The following CADM2 variants were observed in gnomAD, a reference collection of about 807,000 sequenced individuals.
CADM2 encodes the protein immunoglobulin superfamily member 4D.
In CADM2, 12 loss-of-function variants were observed where a neutral mutation model predicts 49.8. The observed-to-expected ratio is 0.24, with a 90% CI of 0.15 to 0.39. The LOEUF is 0.39. Among genes scored for constraint, CADM2 ranks in the 10% least tolerant of loss-of-function variants. CADM2 has a pLI of 1.00. For synonymous variants in CADM2, 214 were observed against 175.4 expected, an observed-to-expected ratio of 1.22 and a Z score of -1.74; for missense variants, 378 against 492.3, an observed-to-expected ratio of 0.77 and a Z score of 2.20.
intron 1 of CADM2, among the ~76,000 whole-genome samples, chr3:85,182,194 C>T (rs146676361): frequency 6.6e-6 from 1 of 152,092 alleles, no homozygotes; most frequent in African/African-American, 2.4e-5. Flanking sequence ...CATACATCCA[C>T]AATTTAACAT....
chr3:85,677,863 G>T (rs758928401), intron 1 of CADM2, among the ~76,000 whole-genome samples: 15 of 152,126 alleles, frequency 9.9e-5, no homozygotes, highest in African/African-American at 3.6e-4. Flanking sequence ...TGATTATTAT[G>T]ATGGGGATAC....
In CADM2 at chr3:85,731,875, A is replaced by G. The variant is rs189228126; in HGVS notation, c.88+5327A>G. Among the ~76,000 whole-genome samples, 392 of 152,200 alleles carry G rather than the reference A, an allele frequency of 2.6e-3. 1 individual carries two copies. The highest frequency in any genetic ancestry group is 7.9e-3 in the African/African-American group (329 of 41,544). ...TATCCTGCTTTTATTATCAGTGAAG[A>G]AATTAAGTAATGAGGCCATAATATA... is the stretch of plus-strand genomic sequence containing the variant. On this transcript the variant is annotated intron_variant, in intron 2 of 9. Transcript: ENST00000383699.
chr3:85,738,985 A>C (rs138621771), intron 2 of CADM2, among the ~76,000 whole-genome samples: 154 of 152,258 alleles, frequency 1.0e-3, no homozygotes, highest in African/African-American at 3.5e-3. Flanking sequence ...TAACAGATAT[A>C]TCAATCTCAA....
At chr3:85,358,706 T>A (rs2032078827) in intron 1 of CADM2, among the ~76,000 whole-genome samples, 1 of 152,196 alleles carries the variant, frequency 6.6e-6, no homozygotes, top group African/African-American at 2.4e-5. Context: ...AAGAACTGTT[T>A]ATGTGTAACG....
chr3:85,797,092 A>T (rs530352113), intron 2 of CADM2, among the ~76,000 whole-genome samples: 362 of 143,306 alleles, frequency 2.5e-3, no homozygotes, highest in Non-Finnish European at 3.7e-3. Flanking sequence ...GAATCCATTT[A>T]AAAAAAAAAA....
Position 85,886,333 on chromosome 3 carries a change from G to C in CADM2, c.529+6G>C. The C allele has an allele frequency of 6.3e-7, 1 of 1,597,616 alleles. No homozygotes were observed. The highest frequency in any genetic ancestry group is 1.1e-5 in the South Asian group (1 of 90,326). On this transcript the variant is annotated splice_donor_region_variant and intron_variant, in intron 5 of 9. Transcript: ENST00000383699. Reference sequence around the variant, plus strand: ...AAATGACAAAGAGATTAAAGGTAAAGAATAGAAAAATGAAAATCAAAATTA... The same window carrying C: ...AAATGACAAAGAGATTAAAGGTAAACAATAGAAAAATGAAAATCAAAATTA...
chr3:85,912,864 A>C (rs577215141), intron 6 of CADM2, among the ~76,000 whole-genome samples: 59 of 152,292 alleles, frequency 3.9e-4, no homozygotes, highest in African/African-American at 1.3e-3. Flanking sequence ...GAGAATCGGT[A>C]ATCTGAGAGG....
At chr3:85,815,966 A>T (rs1449197513) in intron 3 of CADM2, among the ~76,000 whole-genome samples, 3 of 152,190 alleles carry the variant, frequency 2.0e-5, no homozygotes, top group African/African-American at 7.2e-5. Context: ...ATAATTCCTT[A>T]GTATGTAAAA....
intron 3 of CADM2, among the ~76,000 whole-genome samples, chr3:85,807,055 T>C (rs1296966158): frequency 5.3e-5 from 8 of 152,186 alleles, no homozygotes; most frequent in African/African-American, 1.9e-4. Flanking sequence ...AGCTTTTGCC[T>C]TGATTTTAAC....
chr3:85,693,566 C>CAAAAAAAAAAAAAA (rs562723713), intron 1 of CADM2, among the ~76,000 whole-genome samples: 4 of 76,080 alleles, frequency 5.3e-5, no homozygotes, highest in Non-Finnish European at 9.7e-5. Context: ...GGCGAAAGAG[C>CAAAAAAAAAAAAAA]AAAAAAAAAA....
chr3:85,898,937 G>GTGTGTATATATATATATATA lies in CADM2; in HGVS notation c.529+12611_529+12612insGTGTATATATATATATATAT, dbSNP rs796467067. 6.8e-3 allele frequency among the ~76,000 whole-genome samples: 315 copies of GTGTGTATATATATATATATA among 46,590 alleles called. 20 individuals are homozygous for GTGTGTATATATATATATATA. Among genetic ancestry groups the GTGTGTATATATATATATATA allele is most frequent in the African/African-American group, 8.8e-3 (76 of 8,684 alleles). The allele number at this position is 46,590 out of a possible 152,430, so 30.6% of individuals were successfully genotyped here. On this transcript the variant is annotated intron_variant, in intron 5 of 9. Coordinates refer to ENST00000383699, the MANE Select transcript of CADM2 (RefSeq NM_001167675.2). ...TCATAAAATCCAATTCATTTATTGT[G>GTGTGTATATATATATATATA]TATATATATATATATATATTTTTTT... is the stretch of plus-strand genomic sequence containing the variant.
chr3:84,992,381 A>G (rs147387239), intron 1 of CADM2, among the ~76,000 whole-genome samples: 1 of 152,308 alleles, frequency 6.6e-6, no homozygotes, highest in African/African-American at 2.4e-5. Flanking sequence ...TAACAATGCT[A>G]GTACTTTGGC....
At chr3:85,847,620 T>A (rs1220268002) in intron 3 of CADM2, among the ~76,000 whole-genome samples, 1 of 152,160 alleles carries the variant, frequency 6.6e-6, no homozygotes, top group Non-Finnish European at 1.5e-5. Context: ...ACATATTTGC[T>A]TTAGAGTACC....
chr3:85,084,022 G>T (rs187465757), intron 1 of CADM2, among the ~76,000 whole-genome samples: 2 of 152,204 alleles, frequency 1.3e-5, no homozygotes, highest in Admixed American at 6.5e-5. Context: ...ATTATTATAT[G>T]CCCTGCTGTT....
intron 1 of CADM2, among the ~76,000 whole-genome samples, chr3:85,487,136 A>G (rs1198698246): frequency 6.6e-6 from 1 of 152,184 alleles, no homozygotes; most frequent in African/African-American, 2.4e-5. Flanking sequence ...TTGGTAGCCA[A>G]TAATATCACA....
At chr3:85,417,695 G>T (rs970909594) in intron 1 of CADM2, among the ~76,000 whole-genome samples, 1 of 152,078 alleles carries the variant, frequency 6.6e-6, no homozygotes, top group South Asian at 2.1e-4. Flanking sequence ...ACCTTTAAGG[G>T]TATAAAGGTC....
At chr3:85,192,214 C>A (rs2041226582) in intron 1 of CADM2, among the ~76,000 whole-genome samples, 1 of 151,832 alleles carries the variant, frequency 6.6e-6, no homozygotes, top group Non-Finnish European at 1.5e-5. Flanking sequence ...ATTTAATTTT[C>A]AAGATATGAA....
intron 1 of CADM2, among the ~76,000 whole-genome samples, chr3:85,125,441 C>T (rs2107599544): frequency 6.6e-6 from 1 of 152,062 alleles, no homozygotes; most frequent in Non-Finnish European, 1.5e-5. Context: ...GTCACTGCAG[C>T]CTTGACCACT....
chr3:85,649,777 C>A (rs1236018074), intron 1 of CADM2, among the ~76,000 whole-genome samples: 1 of 152,112 alleles, frequency 6.6e-6, no homozygotes, highest in Admixed American at 6.6e-5. Flanking sequence ...TGGTTTGAAT[C>A]TTGATTTCAG....
Sources: gnomAD v4.1 joint callset for allele counts (sites outside exome capture counted in the v4.1 genomes callset) on GRCh38, gnomAD v4.1.1 for gene constraint, MANE v1.5 for transcripts, NCBI Gene and HGNC (gene_info 2026-07-23, HGNC 2026-07-21) for gene names.